ANKUB1: variants seen among roughly 807,000 people sequenced by gnomAD.
The protein encoded by ANKUB1 is protein ANKUB1.
A neutral mutation model predicts 49.3 loss-of-function variants in ANKUB1; 42 were observed. The ratio of observed to expected loss-of-function variants is 0.85; its 90% CI spans 0.67 to 1.10. The LOEUF is 1.10. Ranked by LOEUF, ANKUB1 falls within the 50% of genes least tolerant of loss-of-function variation. ANKUB1 has a pLI of 0.00. For missense variants in ANKUB1, 613 were observed against 642.0 expected, an observed-to-expected ratio of 0.95 and a Z score of 0.49; for synonymous variants, 222 against 231.0, an observed-to-expected ratio of 0.96 and a Z score of 0.35.
At chr3:149,783,168 G>T (rs1324058509) in intron 2 of ANKUB1, 1 of 152,066 alleles carries the variant, frequency 6.6e-6, no homozygotes, top group Non-Finnish European at 1.5e-5. Context: ...TTCTAATTTG[G>T]TTGTATGACG....
At position 149,792,260 on chromosome 3, in the gene ANKUB1, G is replaced by C; in HGVS notation, c.90+17C>G. On this transcript the variant is annotated intron_variant, in intron 1 of 5. Coordinates refer to ENST00000446160, the MANE Select transcript of ANKUB1 (RefSeq NM_001144960.3). Reference sequence around the variant, plus strand: ...AAATTAATATACATTTTGGTGGTTTGGGAACGAAGTACATACCTTTATCAT... The same window carrying C: ...AAATTAATATACATTTTGGTGGTTTCGGAACGAAGTACATACCTTTATCAT... 1 of 1,457,442 alleles carries C rather than the reference G, an allele frequency of 6.9e-7. No homozygotes were observed. Among genetic ancestry groups the C allele is most frequent in the Non-Finnish European group, 9.1e-7 (1 of 1,094,698 alleles). 90.3% of individuals were successfully genotyped at this position (1,457,442 alleles called of 1,614,324 possible).
chr3:149,782,672 A>G (rs1281904605), intron 2 of ANKUB1, among the ~76,000 whole-genome samples: 1 of 152,012 alleles, frequency 6.6e-6, no homozygotes, highest in African/African-American at 2.4e-5. Context: ...TCAGCCTCCC[A>G]AGTACAGGCA....
At chr3:149,788,108 T>C (rs1718191572) in intron 2 of ANKUB1, among the ~76,000 whole-genome samples, 1 of 152,236 alleles carries the variant, frequency 6.6e-6, no homozygotes, top group African/African-American at 2.4e-5. Context: ...TAAACATAGT[T>C]AAGTAGGGAA....
chr3:149,764,173 A>C (rs950668379), intron 5 of ANKUB1, among the ~76,000 whole-genome samples: 9 of 152,146 alleles, frequency 5.9e-5, no homozygotes, highest in Non-Finnish European at 1.2e-4. Context: ...CAAGAGCTGC[A>C]CTGGTCATTT....
intron 2 of ANKUB1, among the ~76,000 whole-genome samples, chr3:149,781,063 C>T (rs1301976261): frequency 2.7e-5 from 4 of 149,314 alleles, no homozygotes; most frequent in Middle Eastern, 3.4e-3. Flanking sequence ...TGGGCTCAAG[C>T]GATCTTCCTA....
intron 2 of ANKUB1, chr3:149,783,444 T>C (rs1412287538): frequency 6.6e-6 from 1 of 152,180 alleles, no homozygotes; most frequent in African/African-American, 2.4e-5. Context: ...ATACACAAAG[T>C]ATCTTACTTT....
chr3:149,781,457 T>A (rs572578370), intron 2 of ANKUB1, among the ~76,000 whole-genome samples: 1 of 152,320 alleles, frequency 6.6e-6, no homozygotes, highest in South Asian at 2.1e-4. Flanking sequence ...AACGGCCTGT[T>A]GTTGGGTTGG....
rs896355996 is a variant in ANKUB1 at position 149,782,696 on chromosome 3, C to A, written c.235-2241G>T. ...CAAGTACAGGCACTCACCACCAAAC[C>A]CAGCTACATTTTAAATTCTTATTTG... is the stretch of plus-strand genomic sequence containing the variant. On this transcript the variant is annotated intron_variant, in intron 2 of 5. Transcript: ENST00000446160. 2.0e-5 allele frequency among the ~76,000 whole-genome samples: 3 copies of A among 151,858 alleles called. No individual in the cohort carries two copies. In the East Asian group the frequency reaches 5.8e-4, roughly 29 times the overall value.
intron 2 of ANKUB1, among the ~76,000 whole-genome samples, chr3:149,785,337 T>C (rs1345545071): frequency 6.6e-6 from 1 of 152,186 alleles, no homozygotes; most frequent in Non-Finnish European, 1.5e-5. Flanking sequence ...TGTATACATG[T>C]GCCATGTTGG....
At chr3:149,791,453 T>C (rs1718353650) in intron 1 of ANKUB1, among the ~76,000 whole-genome samples, 1 of 152,180 alleles carries the variant, frequency 6.6e-6, no homozygotes, top group Non-Finnish European at 1.5e-5. Context: ...CATATCTGTT[T>C]TATTTTATGC....
intron 3 of ANKUB1, among the ~76,000 whole-genome samples, chr3:149,777,006 T>C (rs1717624090): frequency 6.6e-6 from 1 of 151,948 alleles, no homozygotes; most frequent in Admixed American, 6.5e-5. Flanking sequence ...AGCATGATGT[T>C]CTGTCCTGTT....
At chr3:149,784,395 C>T (rs1718000795) in intron 2 of ANKUB1, among the ~76,000 whole-genome samples, 1 of 152,144 alleles carries the variant, frequency 6.6e-6, no homozygotes, top group Non-Finnish European at 1.5e-5. Context: ...ACCTATCCAC[C>T]CCAACTTTGA....
intron 2 of ANKUB1, among the ~76,000 whole-genome samples, chr3:149,789,731 G>C (rs1200910002): frequency 6.6e-6 from 1 of 150,800 alleles, no homozygotes; most frequent in Non-Finnish European, 1.5e-5. Flanking sequence ...CTGGGTTCAA[G>C]TGATTCTCCT....
intron 5 of ANKUB1, among the ~76,000 whole-genome samples, chr3:149,763,015 C>T (rs187061218): frequency 6.6e-6 from 1 of 152,336 alleles, no homozygotes; most frequent in East Asian, 1.9e-4. Context: ...AAGGCTTTCA[C>T]TCAATCTATT....
chr3:149,769,663 T>C (rs1366215351), intron 4 of ANKUB1, among the ~76,000 whole-genome samples: 1 of 152,224 alleles, frequency 6.6e-6, no homozygotes, highest in African/African-American at 2.4e-5. Flanking sequence ...TAATGTACTG[T>C]TGAATATATC....
chr3:149,783,626 T>C (rs1481373526), intron 2 of ANKUB1: 1 of 152,252 alleles, frequency 6.6e-6, no homozygotes, highest in Non-Finnish European at 1.5e-5. Context: ...TGTACTGCTG[T>C]ATTTTTTCTC....
At chr3:149,790,436 C>T (rs1718310110) in intron 2 of ANKUB1, among the ~76,000 whole-genome samples, 2 of 152,088 alleles carry the variant, frequency 1.3e-5, no homozygotes, top group Admixed American at 6.5e-5. Flanking sequence ...TCACTGTGGC[C>T]CCACCAAAGT....
chr3:149,788,116 G>A (rs191723918), intron 2 of ANKUB1, among the ~76,000 whole-genome samples: 2 of 152,166 alleles, frequency 1.3e-5, no homozygotes, highest in Non-Finnish European at 2.9e-5. Context: ...GTTAAGTAGG[G>A]AAGGTACTAC....
At chr3:149,771,955 T>C (rs894290809) in intron 3 of ANKUB1, among the ~76,000 whole-genome samples, 2 of 152,154 alleles carry the variant, frequency 1.3e-5, no homozygotes, top group Non-Finnish European at 2.9e-5. Context: ...CTGCATTTTT[T>C]TTTCTCAGTG....
Sources: gnomAD v4.1 joint callset for allele counts (sites outside exome capture counted in the v4.1 genomes callset) on GRCh38, gnomAD v4.1.1 for gene constraint, MANE v1.5 for transcripts, NCBI Gene and HGNC (gene_info 2026-07-23, HGNC 2026-07-21) for gene names.